SLIT3: variants seen among roughly 807,000 people sequenced by gnomAD.
SLIT3 encodes the protein slit homolog 3 protein.
In SLIT3, 68 loss-of-function variants were observed where a neutral mutation model predicts 184.0. The observed-to-expected ratio is 0.37, with a 90% CI of 0.30 to 0.45. The LOEUF (loss-of-function observed/expected upper bound fraction) is 0.45, where lower values mean the gene tolerates loss of function less well. Ranked by LOEUF, SLIT3 falls within the 20% of genes least tolerant of loss-of-function variation. The probability of loss-of-function intolerance (pLI) is 1.00; values close to 1 mark genes in which losing one functional copy is unlikely to be tolerated. For missense variants in SLIT3, 1,707 were observed against 2,026.0 expected (o/e 0.84, Z 3.02); for synonymous variants, 831 against 828.6 (o/e 1.00, Z -0.05).
At chr5:168,753,427 A>C (rs1475892300) in intron 17 of SLIT3, among the ~76,000 whole-genome samples, 1 of 152,214 alleles carries the variant, frequency 6.6e-6, no homozygotes, top group African/African-American at 2.4e-5. Context: ...GTGGTTGTAG[A>C]CATCAGCTTG....
intron 4 of SLIT3, among the ~76,000 whole-genome samples, chr5:168,984,790 C>A (rs1755069679): frequency 6.6e-6 from 1 of 152,132 alleles, no homozygotes; most frequent in South Asian, 2.1e-4. Flanking sequence ...AAAATGGATA[C>A]ATCACAGAAA....
chr5:168,750,777 C>T (rs749899922), intron 18 of SLIT3, among the ~76,000 whole-genome samples: 2 of 151,958 alleles, frequency 1.3e-5, no homozygotes, highest in Admixed American at 6.6e-5. Context: ...AATTATATGC[C>T]GGGCATCTGC....
chr5:169,117,548 G>A (rs771763519), intron 4 of SLIT3, among the ~76,000 whole-genome samples: 20 of 152,182 alleles, frequency 1.3e-4, no homozygotes, highest in Non-Finnish European at 2.2e-4. Context: ...ATTTGGACAC[G>A]ATGGCAGAGC....
At chr5:168,946,858 G>A (rs1266045728) in intron 4 of SLIT3, among the ~76,000 whole-genome samples, 2 of 152,038 alleles carry the variant, frequency 1.3e-5, no homozygotes, top group Non-Finnish European at 2.9e-5. Flanking sequence ...CCTCCCCTTC[G>A]AACACCTCTC....
At chr5:168,870,284 C>T (rs1759467420) in intron 5 of SLIT3, among the ~76,000 whole-genome samples, 1 of 152,236 alleles carries the variant, frequency 6.6e-6, no homozygotes, top group African/African-American at 2.4e-5. Flanking sequence ...AGTAGTTTAT[C>T]TGGGGCTACA....
intron 4 of SLIT3, among the ~76,000 whole-genome samples, chr5:169,159,682 A>G (rs916375852): frequency 6.6e-6 from 1 of 152,278 alleles, no homozygotes; most frequent in Admixed American, 6.5e-5. Context: ...AGGCTGAGGC[A>G]GAAGAATGGC....
chr5:168,746,334 AGTGTGGTGGTGTGGGT>A (rs1358873754), intron 20 of SLIT3, among the ~76,000 whole-genome samples: 18 of 62,234 alleles, frequency 2.9e-4, no homozygotes, highest in Non-Finnish European at 9.7e-5. Flanking sequence ...GTGGTGTGTG[AGTGTGGTGGTGTGGGT>A]GTGTGGTGGT....
intron 4 of SLIT3, among the ~76,000 whole-genome samples, chr5:168,885,054 G>A (rs1760141453): frequency 6.6e-6 from 1 of 152,104 alleles, no homozygotes; most frequent in Non-Finnish European, 1.5e-5. Flanking sequence ...TTTTGCAAAG[G>A]GGCAGGAGGG....
intron 9 of SLIT3, 65 bp from the exon 10 acceptor site, chr5:168,795,643 T>C: frequency 7.8e-7 from 1 of 1,286,690 alleles, no homozygotes; most frequent in African/African-American, 1.5e-5. Flanking sequence ...CACTGAGGGC[T>C]ACTGTGTTCT....
chr5:168,941,897 T>C (rs1762345039), intron 4 of SLIT3, among the ~76,000 whole-genome samples: 1 of 152,208 alleles, frequency 6.6e-6, no homozygotes, highest in Non-Finnish European at 1.5e-5. Flanking sequence ...CTGTTAAGCT[T>C]TGGACCCGTC....
At chr5:168,823,179 G>T in intron 7 of SLIT3, 81 bp downstream of exon 7, 3 of 1,086,312 alleles carry the variant, frequency 2.8e-6, no homozygotes, top group Non-Finnish European at 4.3e-6. Context: ...AGCATGGTAG[G>T]TTTGACAAGC....
chr5:169,240,956 A>T (rs529580119), intron 3 of SLIT3, among the ~76,000 whole-genome samples: 20 of 151,770 alleles, frequency 1.3e-4, no homozygotes, highest in Non-Finnish European at 2.5e-4. Flanking sequence ...TAGCACTATT[A>T]CTTCCTGAAT....
intron 4 of SLIT3, among the ~76,000 whole-genome samples, chr5:169,127,658 C>G (rs375492936): frequency 1.3e-5 from 2 of 152,310 alleles, no homozygotes; most frequent in East Asian, 3.9e-4. Context: ...GCTCTGGTTT[C>G]GCTTGGTCTC....
At chr5:169,075,563 T>C (rs1175970579) in intron 4 of SLIT3, among the ~76,000 whole-genome samples, 1 of 152,122 alleles carries the variant, frequency 6.6e-6, no homozygotes, top group African/African-American at 2.4e-5. Context: ...TATGCTGGAG[T>C]GGGCTGTATA....
At chr5:169,000,742 G>A (rs866863403) in intron 4 of SLIT3, among the ~76,000 whole-genome samples, 1 of 152,128 alleles carries the variant, frequency 6.6e-6, no homozygotes, top group Non-Finnish European at 1.5e-5. Flanking sequence ...AAAGATACAC[G>A]GCTGACAGTT....
intron 1 of SLIT3, among the ~76,000 whole-genome samples, chr5:169,293,553 C>T (rs1767416832): frequency 6.6e-6 from 1 of 152,106 alleles, no homozygotes. Context: ...GGAGGGTGCC[C>T]TTGGTTCCAG....
At chr5:169,274,446 A>G (rs1454341355) in intron 1 of SLIT3, among the ~76,000 whole-genome samples, 1 of 152,218 alleles carries the variant, frequency 6.6e-6, no homozygotes, top group Admixed American at 6.5e-5. Context: ...TAAAAAACAG[A>G]TAAGATAATG....
At chr5:168,717,985 G>A (rs954588838) in intron 23 of SLIT3, 2 of 152,034 alleles carry the variant, frequency 1.3e-5, no homozygotes, top group Admixed American at 1.3e-4. Context: ...TAAATGAAAC[G>A]TTTGGACAGA....
At chr5:169,132,801 GTGAT>G (rs202164282) in intron 4 of SLIT3, among the ~76,000 whole-genome samples, 20,868 of 152,230 alleles carry the variant, frequency 0.14, 1,562 homozygotes, top group South Asian at 0.27. Flanking sequence ...GAAGATTCCC[GTGAT>G]CTGTAATCCC....
Sources: gnomAD v4.1 joint callset for allele counts (sites outside exome capture counted in the v4.1 genomes callset) on GRCh38, gnomAD v4.1.1 for gene constraint, MANE v1.5 for transcripts, NCBI Gene and HGNC (gene_info 2026-07-23, HGNC 2026-07-21) for gene names.